The following BRWD3 variants were observed in gnomAD, a reference collection of about 807,000 sequenced individuals.
The protein encoded by BRWD3 is bromodomain and WD repeat domain containing 3.
In BRWD3, 10 loss-of-function variants were observed where a neutral mutation model predicts 149.7. That is an observed-to-expected ratio of 0.07 (90% CI 0.04 to 0.11). BRWD3 has a LOEUF of 0.11. Among genes scored for constraint, BRWD3 ranks in the 10% least tolerant of loss-of-function variants. BRWD3 has a pLI of 1.00. For synonymous variants in BRWD3, 504 were observed against 456.7 expected, an observed-to-expected ratio of 1.10 and a Z score of -1.32; for missense variants, 940 against 1,373.2, an observed-to-expected ratio of 0.68 and a Z score of 4.99.
chrX:80,757,142 A>G (rs1019075345), intron 6 of BRWD3, among the ~76,000 whole-genome samples: 2 of 112,227 alleles, frequency 1.8e-5, no homozygotes, highest in African/African-American at 6.5e-5. Context: ...AAGTTTTAGT[A>G]TATATAATTA....
In BRWD3 at chrX:80,809,455, G is replaced by A; in HGVS notation, c.17C>T (p.Thr6Ile). The change falls in exon 1 of 41, where the codon ACC becomes ATC. Residue 6 changes from threonine (T) to isoleucine (I), a missense_variant. Thr to Ile is a moderately conservative substitution (Grantham distance 89). Coordinates refer to ENST00000373275, the MANE Select transcript of BRWD3 (RefSeq NM_153252.5). ...CAGCTACCCACCGGCTTCGATCTGG[G>A]TAGGTGCTGCCGCCATCCTTTTCCC... MAAAP[T>I]QIEAELYYLI... The A allele has an allele frequency of 1.7e-6, 2 of 1,162,419 alleles. No homozygotes were observed. Among genetic ancestry groups the A allele is most frequent in the Non-Finnish European group, 2.3e-6 (2 of 868,855 alleles).
intron 20 of BRWD3, among the ~76,000 whole-genome samples, chrX:80,711,449 G>A (rs889673389): frequency 1.8e-5 from 2 of 111,845 alleles, no homozygotes; most frequent in African/African-American, 3.3e-5. Flanking sequence ...TATTTTAACC[G>A]CAAATATGTT....
Position 80,677,249 on chromosome X carries a change from T to C in BRWD3, c.4769A>G (p.Lys1590Arg). Residue 1590 changes from lysine (K) to arginine (R), a missense_variant, in exon 41 of 41, where the codon AAA becomes AGA. By Grantham distance (26) the Lys-to-Arg change is conservative. Around this residue, in one of 6 missense-constraint regions of BRWD3, gnomAD observed 349 missense variants for 419.6 expected, o/e 0.83. Transcript: ENST00000373275. ...TTTCTCTTTTGTTTCTTTTTTCTCT[T>C]TATCTTCTCCTCCCATGTTTTCATC... is the stretch of plus-strand genomic sequence containing the variant. ...EEDENMGGEDKEKKETKEKSH... is the reference protein window; with the variant it reads ...EEDENMGGEDREKKETKEKSH... 8.3e-7 allele frequency: 1 copy of C among 1,210,847 alleles called. No individual in the cohort carries two copies. Among genetic ancestry groups the C allele is most frequent in the Non-Finnish European group, 1.1e-6 (1 of 895,126 alleles).
rs938995022 is a variant in BRWD3, at chrX:80,673,289, A to T, written c.*3320T>A. The T allele has an allele frequency of 2.7e-5, 3 of 110,573 alleles. No individual in the cohort carries two copies. The highest frequency in any genetic ancestry group is 9.8e-5 in the African/African-American group (3 of 30,472). The allele number at this position is 110,573 out of a possible 1,213,427, so 9.1% of individuals were successfully genotyped here. On this transcript the variant is annotated 3_prime_UTR_variant, in exon 41 of 41. Coordinates refer to ENST00000373275, the MANE Select transcript of BRWD3 (RefSeq NM_153252.5). ...TGATTTCTGGGGAGGGAAAAAAAAG[A>T]AAAAAAATTAAAAAGGGAAATAAAA...
At position 80,764,329 on chromosome X, in the gene BRWD3, G is replaced by A. The variant is rs57489571; in HGVS notation, c.431-18600C>T. On this transcript the variant is annotated intron_variant, in intron 6 of 40. Transcript: ENST00000373275. ...GGCAAAGAATTTTTTTTTTAGAGAC[G>A]GAGTCTCGCTCTGTTGCCCAGGCTA... Among the ~76,000 whole-genome samples, 802 of 111,394 alleles carry A rather than the reference G, an allele frequency of 7.2e-3. 8 individuals carry two copies. Among genetic ancestry groups the A allele is most frequent in the African/African-American group, 0.024 (747 of 30,709 alleles).
intron 30 of BRWD3, 106 bp downstream of exon 30, chrX:80,691,717 T>C (rs1245222476): frequency 4.1e-6 from 4 of 985,032 alleles, no homozygotes; most frequent in Middle Eastern, 2.6e-4. Context: ...GAGTTAAAAC[T>C]GAAGTGTACA....
At chrX:80,773,096 C>T (rs2073964347) in intron 6 of BRWD3, among the ~76,000 whole-genome samples, 1 of 111,861 alleles carries the variant, frequency 8.9e-6, no homozygotes, top group Non-Finnish European at 1.9e-5. Flanking sequence ...AGGAGGGAAG[C>T]CGATGTGGTT....
At chrX:80,718,448 G>A (rs2073102757) in intron 18 of BRWD3, among the ~76,000 whole-genome samples, 2 of 111,522 alleles carry the variant, frequency 1.8e-5, no homozygotes, top group Admixed American at 9.5e-5. Context: ...TCTGTCCACA[G>A]AAACCTAGTA....
rs779423570 is a variant in BRWD3 at position 80,719,745 on chromosome X, A to G, written c.1877-89T>C. The G allele has an allele frequency of 2.5e-5, 22 of 881,419 alleles. No homozygotes were observed. The South Asian group carries it at 4.2e-4, about 17-fold the overall frequency. The allele number at this position is 881,419 out of a possible 1,213,427, so 72.6% of individuals were successfully genotyped here. A position where few individuals can be genotyped will look rare whatever the true frequency, so the allele number is the denominator to read the frequency against. ...AAAACAACCTATAAATTTCTACACAAATGATTAAAAACAGCATTAAACGTA... is the reference window on the plus strand; with the variant it reads ...AAAACAACCTATAAATTTCTACACAGATGATTAAAAACAGCATTAAACGTA... On this transcript the variant is annotated intron_variant, in intron 17 of 40. Coordinates refer to ENST00000373275, the MANE Select transcript of BRWD3 (RefSeq NM_153252.5).
In BRWD3 at chrX:80,733,088, C is replaced by T. The variant is rs768868341; in HGVS notation, c.1127+368G>A. 4.2e-5 allele frequency: 5 copies of T among 117,950 alleles called. No individual in the cohort carries two copies. In the South Asian group the frequency reaches 1.7e-3, roughly 41 times the overall value. 9.7% of individuals were successfully genotyped at this position (117,950 alleles called of 1,213,427 possible). On this transcript the variant is annotated intron_variant, in intron 12 of 40. Transcript: ENST00000373275. Reference sequence around the variant, plus strand: ...GAGGTTGCAGTGAGCCAAGATCGCACCACCGCACTCCAGCCTCGGCAACAG... The same window carrying T: ...GAGGTTGCAGTGAGCCAAGATCGCATCACCGCACTCCAGCCTCGGCAACAG...
At chrX:80,689,672 T>C in intron 33 of BRWD3, 96 bp downstream of exon 33, 1 of 775,383 alleles carries the variant, frequency 1.3e-6, no homozygotes. Flanking sequence ...AAAATCTGTT[T>C]TGCTGTTCAT....
chrX:80,752,970 T>G (rs766803495), intron 6 of BRWD3, among the ~76,000 whole-genome samples: 1 of 112,084 alleles, frequency 8.9e-6, no homozygotes, highest in Non-Finnish European at 1.9e-5. Flanking sequence ...TGGCCGATCA[T>G]TTTTTTGTAT....
At chrX:80,742,707 T>C (rs1453445548) in intron 8 of BRWD3, among the ~76,000 whole-genome samples, 2 of 111,148 alleles carry the variant, frequency 1.8e-5, no homozygotes, top group East Asian at 5.7e-4. Flanking sequence ...TTGTCTGTTA[T>C]TGGTGTATAG....
intron 6 of BRWD3, among the ~76,000 whole-genome samples, chrX:80,758,302 G>A (rs1219106841): frequency 8.9e-6 from 1 of 111,948 alleles, no homozygotes; most frequent in Non-Finnish European, 1.9e-5. Context: ...CCAATTTCAG[G>A]AATGAGTAAA....
chrX:80,730,400 A>AGAAAGAAAGAAAGAAG, intron 12 of BRWD3, among the ~76,000 whole-genome samples: 1 of 102,191 alleles, frequency 9.8e-6, no homozygotes. Context: ...AAAGAAAGAA[A>AGAAAGAAAGAAAGAAG]GAAAGAAAGA....
chrX:80,677,761 A>G (rs1378210382), intron 40 of BRWD3, among the ~76,000 whole-genome samples: 1 of 112,229 alleles, frequency 8.9e-6, no homozygotes, highest in Non-Finnish European at 1.9e-5. Flanking sequence ...GTTGGAATTT[A>G]TATTTTAGTG....
chrX:80,725,913 A>G (rs1347955810), intron 14 of BRWD3, among the ~76,000 whole-genome samples: 5 of 111,142 alleles, frequency 4.5e-5, no homozygotes, highest in African/African-American at 1.6e-4. Flanking sequence ...CATATGTTAC[A>G]TGCCTATATG....
chrX:80,809,183 G>A, intron 2 of BRWD3, 63 bp downstream of exon 2: 1 of 1,152,867 alleles, frequency 8.7e-7, no homozygotes, highest in Non-Finnish European at 1.2e-6. Flanking sequence ...TGCTCGTCCC[G>A]CTGCCTCGAT....
intron 7 of BRWD3, 119 bp downstream of exon 7, chrX:80,745,450 T>C: frequency 1.7e-6 from 1 of 602,653 alleles, no homozygotes. Context: ...CTCATCTTTT[T>C]CTGCACCCAT....
Sources: gnomAD v4.1 joint callset for allele counts (sites outside exome capture counted in the v4.1 genomes callset) on GRCh38, gnomAD v4.1.1 for gene constraint, gnomAD v4.1.1 regional missense constraint, MANE v1.5 for transcripts, NCBI Gene and HGNC (gene_info 2026-07-23, HGNC 2026-07-21) for gene names.